Variants in ARHGAP29 observed in about 807,000 individuals in gnomAD.
The protein encoded by ARHGAP29 is Rho GTPase activating protein 29, also known as rho GTPase-activating protein 29.
ARHGAP29 carries 43 observed loss-of-function variants against 122.6 expected under a neutral mutation model. The ratio of observed to expected loss-of-function variants is 0.35; its 90% CI spans 0.27 to 0.45. ARHGAP29 has a LOEUF of 0.45. Among genes scored for constraint, ARHGAP29 ranks in the 20% least tolerant of loss-of-function variants. The pLI is 1.00. For missense variants in ARHGAP29, 1,303 were observed against 1,477.2 expected, an observed-to-expected ratio of 0.88 and a Z score of 1.93; for synonymous variants, 506 against 497.1, an observed-to-expected ratio of 1.02 and a Z score of -0.24.
At chr1:94,284,517 G>A in the ARHGAP29 span, among the ~76,000 whole-genome samples, 1 of 152,308 alleles carries the variant, frequency 6.6e-6, no homozygotes, top group Non-Finnish European at 1.5e-5. Flanking sequence ...TGAAATGTGA[G>A]CAGAAATGAT....
At chr1:94,282,933 T>C in the ARHGAP29 span, among the ~76,000 whole-genome samples, 2 of 152,246 alleles carry the variant, frequency 1.3e-5, no homozygotes, top group South Asian at 4.1e-4. Context: ...TGTTTCTCCC[T>C]CTGTGAGTAA....
At chr1:94,183,019 C>T (rs1447460144) in intron 19 of ARHGAP29, among the ~76,000 whole-genome samples, 2 of 152,008 alleles carry the variant, frequency 1.3e-5, no homozygotes, top group Non-Finnish European at 2.9e-5. Context: ...CTGTAGTTAA[C>T]AATAATATAT....
At chr1:94,198,658 G>A (rs1650622151) in intron 12 of ARHGAP29, among the ~76,000 whole-genome samples, 1 of 152,064 alleles carries the variant, frequency 6.6e-6, no homozygotes, top group Admixed American at 6.6e-5. Flanking sequence ...ACTACAAAAT[G>A]CTGATTTTTT....
At chr1:94,296,111 T>G in the ARHGAP29 span, among the ~76,000 whole-genome samples, 1 of 152,262 alleles carries the variant, frequency 6.6e-6, no homozygotes, top group South Asian at 2.1e-4. Flanking sequence ...TCTGAGAATA[T>G]TAAATGAAAA....
chr1:94,195,158 G>A (rs1050321437), intron 12 of ARHGAP29: 3 of 152,184 alleles, frequency 2.0e-5, no homozygotes, highest in African/African-American at 4.8e-5. Flanking sequence ...TCATTAGAAC[G>A]AGAAGGGAAG....
chr1:94,257,240 A>C (rs1024345479), intron 1 of ARHGAP29, among the ~76,000 whole-genome samples: 1 of 151,866 alleles, frequency 6.6e-6, no homozygotes. Flanking sequence ...CGTCTCTACT[A>C]AAAATGCAAA....
In ARHGAP29 at chr1:94,174,487, A is replaced by G; in HGVS notation, c.3168T>C (p.Val1056=). 6.2e-7 allele frequency: 1 copy of G among 1,614,186 alleles called. No homozygotes were observed. Among genetic ancestry groups the G allele is most frequent in the East Asian group, 2.2e-5 (1 of 44,880 alleles). ...KFCKNPAFEG[V]NRKDAATTVC... ...CAGTAGTAGCAGCGTCTTTTCTATTAACTCCTTCAAAGGCAGGATTCTTGC... is the reference window on the plus strand; with the variant it reads ...CAGTAGTAGCAGCGTCTTTTCTATTGACTCCTTCAAAGGCAGGATTCTTGC... The change falls in exon 23 of 23, where the codon GTT becomes GTC. Residue 1056 remains valine, a synonymous_variant. Transcript: ENST00000260526.
the ARHGAP29 span, among the ~76,000 whole-genome samples, chr1:94,312,623 G>C: frequency 5.9e-5 from 9 of 151,790 alleles, no homozygotes; most frequent in South Asian, 2.1e-4. Context: ...GTACAGACAG[G>C]GTTTCACCAT....
intron 3 of ARHGAP29, among the ~76,000 whole-genome samples, chr1:94,217,128 AT>A (rs942124769): frequency 1.2e-3 from 182 of 152,116 alleles, no homozygotes; most frequent in African/African-American, 4.2e-3. Context: ...GTTATTCTGT[AT>A]TTTTTTTCTA....
intron 1 of ARHGAP29, among the ~76,000 whole-genome samples, chr1:94,270,998 AC>A (rs1049913443): frequency 2.0e-5 from 3 of 151,960 alleles, no homozygotes; most frequent in Admixed American, 6.6e-5. Flanking sequence ...GCTTGGCTGG[AC>A]CCCCCAGCTC....
intron 1 of ARHGAP29, among the ~76,000 whole-genome samples, chr1:94,234,035 C>G (rs1653099722): frequency 6.6e-6 from 1 of 152,188 alleles, no homozygotes; most frequent in African/African-American, 2.4e-5. Context: ...AGAAACGTTC[C>G]TGGACCATCC....
the ARHGAP29 span, among the ~76,000 whole-genome samples, chr1:94,297,576 T>C: frequency 6.6e-6 from 1 of 152,184 alleles, no homozygotes; most frequent in African/African-American, 2.4e-5. Flanking sequence ...CAGATTTTCT[T>C]TGGGGACAAA....
intron 2 of ARHGAP29, among the ~76,000 whole-genome samples, chr1:94,222,012 C>A (rs1220121877): frequency 6.6e-6 from 1 of 150,494 alleles, no homozygotes; most frequent in East Asian, 1.9e-4. Context: ...ACAAAAAACA[C>A]CCCCCAGTGA....
At chr1:94,201,437 T>C (rs907590057) in intron 12 of ARHGAP29, among the ~76,000 whole-genome samples, 4 of 152,074 alleles carry the variant, frequency 2.6e-5, no homozygotes, top group Non-Finnish European at 5.9e-5. Context: ...TAGAGACTTC[T>C]CTTTCTTTTC....
chr1:94,206,185 T>C (rs1651174867), intron 5 of ARHGAP29, among the ~76,000 whole-genome samples: 1 of 152,312 alleles, frequency 6.6e-6, no homozygotes, highest in African/African-American at 2.4e-5. Context: ...AATAGCTCCA[T>C]GTAGCTATTT....
intron 1 of ARHGAP29, among the ~76,000 whole-genome samples, chr1:94,263,526 C>T (rs1479502654): frequency 6.6e-6 from 1 of 152,128 alleles, no homozygotes; most frequent in Non-Finnish European, 1.5e-5. Context: ...CATGAGGAGG[C>T]AGAGCCCTTC....
At chr1:94,208,719 C>T in intron 5 of ARHGAP29, 113 bp downstream of exon 5, 1 of 1,021,288 alleles carries the variant, frequency 9.8e-7, no homozygotes, top group Non-Finnish European at 1.5e-6. Flanking sequence ...CTCGGCCTCC[C>T]AAAGTGCTGG....
chr1:94,306,142 T>TC, the ARHGAP29 span, among the ~76,000 whole-genome samples: 2 of 152,336 alleles, frequency 1.3e-5, no homozygotes, highest in East Asian at 3.9e-4. Context: ...CCTGCAGTAG[T>TC]CGGGCCCTGG....
Position 94,173,817 on chromosome 1 carries a change from A to G in ARHGAP29, c.*52T>C, listed in dbSNP as rs1648899247. ...AAACATTCTTTCACAAAACAAGCAC[A>G]ATACCACAAAATAACACAACAACAA... On this transcript the variant is annotated 3_prime_UTR_variant, in exon 23 of 23. Coordinates refer to ENST00000260526, the MANE Select transcript of ARHGAP29 (RefSeq NM_004815.4). The G allele has an allele frequency of 6.5e-7, 1 of 1,538,028 alleles. No homozygotes were observed. The highest frequency in any genetic ancestry group is 8.7e-7 in the Non-Finnish European group (1 of 1,143,456).
Sources: gnomAD v4.1 joint callset for allele counts (sites outside exome capture counted in the v4.1 genomes callset) on GRCh38, gnomAD v4.1.1 for gene constraint, MANE v1.5 for transcripts, NCBI Gene and HGNC (gene_info 2026-07-23, HGNC 2026-07-21) for gene names.